Variants in CEP112 observed in about 807,000 individuals in gnomAD.
The protein encoded by CEP112 is centrosomal protein of 112 kDa.
In CEP112, 127 loss-of-function variants were observed where a neutral mutation model predicts 153.0. That is an observed-to-expected ratio of 0.83 (90% CI 0.72 to 0.96). The LOEUF is 0.96. Ranked by LOEUF, CEP112 falls within the 40% of genes least tolerant of loss-of-function variation. The pLI is 0.00. For missense variants in CEP112, 1,089 were observed against 1,101.2 expected, an observed-to-expected ratio of 0.99 and a Z score of 0.16; for synonymous variants, 358 against 374.4, an observed-to-expected ratio of 0.96 and a Z score of 0.51.
intron 13 of CEP112, among the ~76,000 whole-genome samples, chr17:66,029,567 G>C (rs961475422): frequency 4.6e-5 from 7 of 152,034 alleles, no homozygotes; most frequent in Non-Finnish European, 7.4e-5. Flanking sequence ...AGCCAGGCAT[G>C]GTGGTGCATG....
At position 65,927,551 on chromosome 17, in the gene CEP112, T is replaced by C. The variant is rs534197388; in HGVS notation, c.1980+31A>G. ...ATAAATCATATATGTATTTTAAAAA[T>C]TTAATGGCAGCATCAAAATGAAAGA... On this transcript the variant is annotated intron_variant, in intron 19 of 26. Transcript: ENST00000535342. 84 of 1,240,388 alleles carry C rather than the reference T, an allele frequency of 6.8e-5. No individual in the cohort carries two copies. In the East Asian group the frequency reaches 1.9e-3, roughly 28 times the overall value. The allele number at this position is 1,240,388 out of a possible 1,614,324, so 76.8% of individuals were successfully genotyped here.
At chr17:65,686,859 A>T in intron 24 of CEP112, among the ~76,000 whole-genome samples, 1 of 93,022 alleles carries the variant, frequency 1.1e-5, no homozygotes, top group East Asian at 5.9e-4. Flanking sequence ...TATCATTGCT[A>T]TCCAGTTTTT....
At chr17:66,076,110 C>T (rs934949704) in intron 8 of CEP112, among the ~76,000 whole-genome samples, 1 of 152,100 alleles carries the variant, frequency 6.6e-6, no homozygotes, top group Non-Finnish European at 1.5e-5. Context: ...GGACCTTTTG[C>T]GAGGGCAGCT....
chr17:65,870,014 TAAGA>T (rs754013580), intron 20 of CEP112, among the ~76,000 whole-genome samples: 3,551 of 44,602 alleles, frequency 0.08, 142 homozygotes, highest in African/African-American at 0.13. Flanking sequence ...AGGTAGAGAA[TAAGA>T]AAGAAAGAAA....
chr17:66,030,466 T>C (rs1205605863), intron 12 of CEP112, among the ~76,000 whole-genome samples: 1 of 152,198 alleles, frequency 6.6e-6, no homozygotes, highest in African/African-American at 2.4e-5. Context: ...TTAAAGGAAA[T>C]CCATAGCCCC....
rs73340807 is a variant in CEP112 at position 65,761,186 on chromosome 17, A to G, written c.2395-10462T>C. ...ATCAAATCTATTGATCTTTTCAAAG[A>G]ACCAGCTTTTGGTTTCATTGATTTT... is the stretch of plus-strand genomic sequence containing the variant. On this transcript the variant is annotated intron_variant, in intron 21 of 26. Coordinates refer to ENST00000535342, the MANE Select transcript of CEP112 (RefSeq NM_001199165.4). 2.4e-3 allele frequency among the ~76,000 whole-genome samples: 372 copies of G among 151,990 alleles called. 1 individual carries two copies. The highest frequency in any genetic ancestry group is 0.01 in the Middle Eastern group (3 of 294).
intron 18 of CEP112, among the ~76,000 whole-genome samples, chr17:65,939,056 C>T (rs1274843710): frequency 6.6e-6 from 1 of 152,122 alleles, no homozygotes; most frequent in Non-Finnish European, 1.5e-5. Flanking sequence ...AGATGATTCA[C>T]CTGCCTCAGC....
intron 17 of CEP112, among the ~76,000 whole-genome samples, chr17:65,963,884 C>A (rs184420159): frequency 2.3e-3 from 354 of 152,284 alleles, no homozygotes; most frequent in African/African-American, 8.4e-3. Flanking sequence ...TGACAATAAT[C>A]ATTGCAATCC....
At chr17:65,824,791 A>G (rs902686287) in intron 21 of CEP112, among the ~76,000 whole-genome samples, 1 of 152,238 alleles carries the variant, frequency 6.6e-6, no homozygotes, top group African/African-American at 2.4e-5. Context: ...TAAGAAAGGT[A>G]GAAGACATCA....
intron 23 of CEP112, among the ~76,000 whole-genome samples, chr17:65,708,938 G>C (rs2049042867): frequency 6.6e-6 from 1 of 152,142 alleles, no homozygotes. Flanking sequence ...ATGTGTAGGT[G>C]TCTCCTGGCC....
intron 21 of CEP112, among the ~76,000 whole-genome samples, chr17:65,790,788 T>TAGA (rs779981419): frequency 6.6e-5 from 10 of 152,202 alleles, no homozygotes; most frequent in African/African-American, 9.6e-5. Flanking sequence ...AAAAGCCTGT[T>TAGA]AGAAGAGCTT....
At chr17:65,878,769 G>A (rs947172684) in intron 20 of CEP112, among the ~76,000 whole-genome samples, 2 of 151,924 alleles carry the variant, frequency 1.3e-5, no homozygotes, top group Non-Finnish European at 2.9e-5. Flanking sequence ...GCATACAGAG[G>A]GGTTGGACCC....
chr17:65,727,648 T>C (rs1396041834), intron 23 of CEP112, among the ~76,000 whole-genome samples: 1 of 152,164 alleles, frequency 6.6e-6, no homozygotes. Flanking sequence ...GTAACCCTGA[T>C]AGACTGGAAA....
chr17:65,666,491 A>G (rs1291614201), intron 24 of CEP112, among the ~76,000 whole-genome samples: 5 of 152,196 alleles, frequency 3.3e-5, no homozygotes, highest in Non-Finnish European at 7.3e-5. Context: ...ATACTTAGGG[A>G]GCACCAGAGA....
intron 4 of CEP112, among the ~76,000 whole-genome samples, chr17:66,159,373 C>CA (rs2071594597): frequency 6.6e-6 from 1 of 152,118 alleles, no homozygotes; most frequent in Non-Finnish European, 1.5e-5. Context: ...ATCCTGATAC[C>CA]AAAACCTGGC....
chr17:65,942,415 T>C (rs892400299), intron 18 of CEP112, among the ~76,000 whole-genome samples: 1 of 152,154 alleles, frequency 6.6e-6, no homozygotes, highest in Non-Finnish European at 1.5e-5. Context: ...TTTTCCCTTA[T>C]GTTACAAAAA....
chr17:65,986,098 TA>T (rs997347324), intron 17 of CEP112, among the ~76,000 whole-genome samples: 1 of 152,088 alleles, frequency 6.6e-6, no homozygotes, highest in African/African-American at 2.4e-5. Flanking sequence ...GTTTCATAGA[TA>T]AAATGATATC....
At chr17:65,908,317 G>A (rs1238092639) in intron 19 of CEP112, among the ~76,000 whole-genome samples, 5 of 152,298 alleles carry the variant, frequency 3.3e-5, no homozygotes, top group Middle Eastern at 3.4e-3. Flanking sequence ...GAGAAGCTAG[G>A]GTTGACGGCT....
intron 21 of CEP112, among the ~76,000 whole-genome samples, chr17:65,825,347 T>C (rs1272557444): frequency 6.6e-6 from 1 of 152,108 alleles, no homozygotes; most frequent in Non-Finnish European, 1.5e-5. Context: ...GGTAGAAGGA[T>C]GGTTTTGGGA....
Sources: allele counts gnomAD v4.1 joint callset (sites outside exome capture counted in the v4.1 genomes callset), GRCh38; gene constraint gnomAD v4.1.1; transcripts MANE v1.5; gene names NCBI Gene and HGNC (gene_info 2026-07-23, HGNC 2026-07-21).